Variants in GALNT18 observed in about 807,000 individuals in gnomAD.
The protein encoded by GALNT18 is polypeptide N-acetylgalactosaminyltransferase 18, also known as GalNAc-transferase 18.
Under a neutral mutation model 69.5 loss-of-function variants are expected in GALNT18, and 44 were observed. The observed-to-expected ratio is 0.63, with a 90% CI of 0.50 to 0.81. The LOEUF is 0.81. Among genes scored for constraint, GALNT18 ranks in the 40% least tolerant of loss-of-function variants. The probability of loss-of-function intolerance (pLI) is 0.00; values close to 1 mark genes in which losing one functional copy is unlikely to be tolerated. For synonymous variants in GALNT18, 364 were observed against 318.2 expected (o/e 1.14, Z -1.53); for missense variants, 715 against 810.0 (o/e 0.88, Z 1.42).
chr11:11,521,862 G>A (rs185768272), intron 1 of GALNT18, among the ~76,000 whole-genome samples: 111 of 152,294 alleles, frequency 7.3e-4, no homozygotes, highest in Non-Finnish European at 1.4e-3. Context: ...AGAGCCAAAT[G>A]GGTGGCTGCA....
chr11:11,597,393 T>A (rs546159060), intron 1 of GALNT18, among the ~76,000 whole-genome samples: 2 of 152,194 alleles, frequency 1.3e-5, no homozygotes, highest in Admixed American at 6.5e-5. Flanking sequence ...TTAGTAGAAG[T>A]TACCCAGTAA....
chr11:11,325,807 C>T (rs942260160), intron 9 of GALNT18, among the ~76,000 whole-genome samples: 1 of 152,062 alleles, frequency 6.6e-6, no homozygotes, highest in Non-Finnish European at 1.5e-5. Flanking sequence ...GTGAGCACAA[C>T]CTGATTTGCT....
chr11:11,423,301 C>T (rs562931156), intron 3 of GALNT18, among the ~76,000 whole-genome samples: 1 of 152,338 alleles, frequency 6.6e-6, no homozygotes, highest in South Asian at 2.1e-4. Flanking sequence ...CGTATGTGTG[C>T]ATACATGAAC....
In GALNT18 at chr11:11,413,576, C is replaced by CT. The variant is rs1184330863; in HGVS notation, c.595+19044dup. Among the ~76,000 whole-genome samples the CT allele has an allele frequency of 6.6e-6, 1 of 152,198 alleles. No individual in the cohort carries two copies. Among genetic ancestry groups the CT allele is most frequent in the African/African-American group, 2.4e-5 (1 of 41,454 alleles). On this transcript the variant is annotated intron_variant, in intron 3 of 10. Transcript: ENST00000227756. The surrounding 1 kb of genome is among the most constrained non-coding windows in gnomAD (Gnocchi z 4.7). ...CACTAGCCCAGAACAATTGAAGTAA[C>CT]TCACTGAGGTGTCAGCTTATATCAG...
chr11:11,560,327 TG>T (rs1226618794), intron 1 of GALNT18, among the ~76,000 whole-genome samples: 3 of 108,588 alleles, frequency 2.8e-5, no homozygotes, highest in Non-Finnish European at 6.1e-5. Flanking sequence ...TAGGATGGGG[TG>T]GGATGAGATG....
At chr11:11,509,354 C>T (rs1857126212) in intron 1 of GALNT18, among the ~76,000 whole-genome samples, 1 of 152,114 alleles carries the variant, frequency 6.6e-6, no homozygotes, top group Non-Finnish European at 1.5e-5. Flanking sequence ...ACAATTAGAA[C>T]TGCTGGAATT....
In GALNT18 at chr11:11,461,254, G is replaced by A. The variant is rs187188954; in HGVS notation, c.236-12318C>T. 5.4e-4 allele frequency among the ~76,000 whole-genome samples: 82 copies of A among 152,288 alleles called. No homozygotes were observed. Among genetic ancestry groups the A allele is most frequent in the Non-Finnish European group, 3.7e-4 (25 of 68,024 alleles). On this transcript the variant is annotated intron_variant, in intron 1 of 10. Coordinates refer to ENST00000227756, the MANE Select transcript of GALNT18 (RefSeq NM_198516.3). This position sits in a 1 kb window ranked among gnomAD's most constrained non-coding sequence, Gnocchi z 4.1. ...TGGGCCTGGGTGTGTCTGAGTGTGC[G>A]GCTAGGATGGCTGGTGCAGGTAGGA...
rs1005091330 is a variant in GALNT18, at chr11:11,359,785, T to C, written c.1092+12730A>G. ...CATCAGTGATTTTAAACCCCGAAGG[T>C]AGAGATGGAAAAACAACACAACCTA... On this transcript the variant is annotated intron_variant, in intron 6 of 10. Transcript: ENST00000227756. 3.3e-5 allele frequency among the ~76,000 whole-genome samples: 5 copies of C among 152,182 alleles called. 1 individual carries two copies. Among genetic ancestry groups the C allele is most frequent in the Admixed American group, 2.0e-4 (3 of 15,290 alleles).
chr11:11,322,558 A>C (rs1849856244), intron 9 of GALNT18, among the ~76,000 whole-genome samples: 2 of 152,390 alleles, frequency 1.3e-5, no homozygotes, highest in South Asian at 4.1e-4. Flanking sequence ...GACTTCATTA[A>C]TAATCAGAGA....
Position 11,538,400 on chromosome 11 carries a change from C to T in GALNT18, c.235+82959G>A, listed in dbSNP as rs1021601432. Among the ~76,000 whole-genome samples the T allele has an allele frequency of 2.6e-5, 4 of 152,168 alleles. No individual in the cohort carries two copies. Among genetic ancestry groups the T allele is most frequent in the African/African-American group, 9.7e-5 (4 of 41,440 alleles). The stretch of plus-strand genomic sequence containing the variant: ...GCATGTTCATTTCAGCTGAGCCACC[C>T]GGGGTGTCTGTCCCCAGACGTGGAC... On this transcript the variant is annotated intron_variant, in intron 1 of 10. Coordinates refer to ENST00000227756, the MANE Select transcript of GALNT18 (RefSeq NM_198516.3). The surrounding 1 kb of genome is among the most constrained non-coding windows in gnomAD (Gnocchi z 5.2).
intron 10 of GALNT18, among the ~76,000 whole-genome samples, chr11:11,275,265 C>T (rs12798516): frequency 0.19 from 29,534 of 152,134 alleles, 3,509 homozygotes; most frequent in Non-Finnish European, 0.27. Context: ...TATCTCATTG[C>T]GGTTTTGATT....
chr11:11,362,554 A>T (rs961415826), intron 6 of GALNT18, among the ~76,000 whole-genome samples: 1 of 152,206 alleles, frequency 6.6e-6, no homozygotes, highest in East Asian at 1.9e-4. Context: ...AGAAAAAAGA[A>T]ATGCAAATAG....
At position 11,271,093 on chromosome 11, in the gene GALNT18, C is replaced by T; in HGVS notation, c.*51G>A. 2 of 1,552,516 alleles carry T rather than the reference C, an allele frequency of 1.3e-6. No individual in the cohort carries two copies. The highest frequency in any genetic ancestry group is 1.2e-5 in the South Asian group (1 of 84,910). On this transcript the variant is annotated 3_prime_UTR_variant, in exon 11 of 11. Transcript: ENST00000227756. ...CCCACGTGGACAGCAGGCAACGTTG[C>T]AGCAGGTGCTACACAGTAGCAAAGA...
Position 11,541,726 on chromosome 11 carries a change from C to T in GALNT18, c.235+79633G>A, listed in dbSNP as rs1455694196. ...TATTGCCCCAAAGCGTCGCTAGTAG[C>T]CTTGGGGATTCCTCCCTTCAGCCAA... On this transcript the variant is annotated intron_variant, in intron 1 of 10. Transcript: ENST00000227756. The surrounding 1 kb of genome is among the most constrained non-coding windows in gnomAD (Gnocchi z 4.8). Among the ~76,000 whole-genome samples, 1 of 151,914 alleles carries T rather than the reference C, an allele frequency of 6.6e-6. No individual in the cohort carries two copies.
chr11:11,289,321 G>A (rs76134219), intron 10 of GALNT18, among the ~76,000 whole-genome samples: 1 of 152,196 alleles, frequency 6.6e-6, no homozygotes, highest in East Asian at 1.9e-4. Flanking sequence ...TTTCCAAACA[G>A]TTCCCTTTTG....
Position 11,616,590 on chromosome 11 carries a change from C to T in GALNT18, c.235+4769G>A, listed in dbSNP as rs1860056078. On this transcript the variant is annotated intron_variant, in intron 1 of 10. Coordinates refer to ENST00000227756, the MANE Select transcript of GALNT18 (RefSeq NM_198516.3). This position sits in a 1 kb window ranked among gnomAD's most constrained non-coding sequence, Gnocchi z 4.4. Reference sequence around the variant, plus strand: ...TACTGATGACAGAATACTATGCAGTCATTAAAAATACAGTAAAAGTTCTCT... The same window carrying T: ...TACTGATGACAGAATACTATGCAGTTATTAAAAATACAGTAAAAGTTCTCT... Among the ~76,000 whole-genome samples the T allele has an allele frequency of 6.6e-6, 1 of 152,208 alleles. No homozygotes were observed. The highest frequency in any genetic ancestry group is 1.5e-5 in the Non-Finnish European group (1 of 68,042).
At chr11:11,519,293 C>T (rs1180614337) in intron 1 of GALNT18, among the ~76,000 whole-genome samples, 2 of 152,196 alleles carry the variant, frequency 1.3e-5, no homozygotes, top group African/African-American at 2.4e-5. Context: ...GGTAGAGGCA[C>T]CCTTGGCTAG....
At chr11:11,438,190 C>T (rs1400398555) in intron 2 of GALNT18, among the ~76,000 whole-genome samples, 1 of 152,224 alleles carries the variant, frequency 6.6e-6, no homozygotes, top group Admixed American at 6.5e-5. Context: ...TACTCAGATA[C>T]ATCTAGCTTC....
chr11:11,478,601 AAC>A (rs1225626983), intron 1 of GALNT18, among the ~76,000 whole-genome samples: 11 of 152,220 alleles, frequency 7.2e-5, no homozygotes, highest in African/African-American at 2.7e-4. Flanking sequence ...ACATTCATAA[AAC>A]AGATTTGATA....
Sources: allele counts gnomAD v4.1 joint callset (sites outside exome capture counted in the v4.1 genomes callset), GRCh38; gene constraint gnomAD v4.1.1; non-coding constraint Gnocchi (gnomAD v3.1); transcripts MANE v1.5; gene names NCBI Gene and HGNC (gene_info 2026-07-23, HGNC 2026-07-21).